The following CNTN5 variants were observed in gnomAD, a reference collection of about 807,000 sequenced individuals.
The protein encoded by CNTN5 is contactin 5.
In CNTN5, 77 loss-of-function variants were observed where a neutral mutation model predicts 129.1. That is an observed-to-expected ratio of 0.60 (90% CI 0.50 to 0.72). The LOEUF (loss-of-function observed/expected upper bound fraction) is 0.72. Among genes scored for constraint, CNTN5 ranks in the 30% least tolerant of loss-of-function variants. CNTN5 has a pLI of 0.00. For missense variants in CNTN5, 1,478 were observed against 1,328.8 expected (o/e 1.11, Z -1.75); for synonymous variants, 509 against 465.6 (o/e 1.09, Z -1.20).
chr11:99,937,125 G>T (rs1950333315), intron 7 of CNTN5, among the ~76,000 whole-genome samples: 1 of 152,170 alleles, frequency 6.6e-6, no homozygotes, highest in African/African-American at 2.4e-5. Flanking sequence ...ATTTAGTTAA[G>T]ATAGCTTTTT....
intron 6 of CNTN5, among the ~76,000 whole-genome samples, chr11:99,869,841 G>A (rs1029950232): frequency 4.6e-5 from 7 of 152,138 alleles, no homozygotes; most frequent in Non-Finnish European, 1.0e-4. Flanking sequence ...TTAGAAAAAG[G>A]TAACTCCTCC....
At chr11:100,051,934 A>C (rs898385511) in intron 9 of CNTN5, among the ~76,000 whole-genome samples, 7 of 151,964 alleles carry the variant, frequency 4.6e-5, no homozygotes, top group Admixed American at 2.0e-4. Context: ...CAGTGAAATT[A>C]AATTTGTAAT....
chr11:99,725,832 A>G (rs1373784014), intron 3 of CNTN5, among the ~76,000 whole-genome samples: 3 of 152,150 alleles, frequency 2.0e-5, no homozygotes, highest in Non-Finnish European at 2.9e-5. Context: ...ATTAAACACA[A>G]GCAATACACT....
At chr11:99,535,000 C>T (rs753634925) in intron 2 of CNTN5, among the ~76,000 whole-genome samples, 10 of 152,064 alleles carry the variant, frequency 6.6e-5, no homozygotes, top group South Asian at 2.1e-4. Flanking sequence ...AGAAAGAGCA[C>T]TATGTGTTGA....
At chr11:99,207,462 T>C (rs569451212) in intron 1 of CNTN5, among the ~76,000 whole-genome samples, 1 of 152,308 alleles carries the variant, frequency 6.6e-6, no homozygotes, top group South Asian at 2.1e-4. Context: ...CCTGCAATGA[T>C]TGAAATTTGT....
intron 1 of CNTN5, among the ~76,000 whole-genome samples, chr11:99,281,946 C>A (rs1040218734): frequency 6.6e-6 from 1 of 151,898 alleles, no homozygotes; most frequent in African/African-American, 2.4e-5. Flanking sequence ...TCAGAATTTT[C>A]GGAAGTAGAA....
At chr11:99,441,643 G>T (rs559067265) in intron 2 of CNTN5, among the ~76,000 whole-genome samples, 24 of 152,178 alleles carry the variant, frequency 1.6e-4, no homozygotes, top group Admixed American at 1.2e-3. Context: ...ACTTATGAGA[G>T]GTTGACTCAA....
At chr11:99,642,436 T>C (rs531300034) in intron 3 of CNTN5, among the ~76,000 whole-genome samples, 34 of 151,180 alleles carry the variant, frequency 2.2e-4, no homozygotes, top group African/African-American at 7.6e-4. Flanking sequence ...TGAATTAAGC[T>C]TTTTTTATTG....
chr11:99,406,068 TTGG>T (rs1942048937), intron 2 of CNTN5, among the ~76,000 whole-genome samples: 1 of 152,032 alleles, frequency 6.6e-6, no homozygotes, highest in South Asian at 2.1e-4. Context: ...TTTAGTTCAC[TTGG>T]TGAGGTTATG....
intron 1 of CNTN5, among the ~76,000 whole-genome samples, chr11:99,320,065 C>T (rs1220754496): frequency 6.6e-6 from 1 of 152,192 alleles, no homozygotes; most frequent in Admixed American, 6.5e-5. Context: ...CATAGTGAAA[C>T]ACCGTCTCTA....
intron 3 of CNTN5, among the ~76,000 whole-genome samples, chr11:99,600,174 A>G (rs532879983): frequency 4.7e-4 from 71 of 152,280 alleles, no homozygotes; most frequent in African/African-American, 1.7e-3. Context: ...TGATTTTTTA[A>G]TCACTATGCA....
chr11:99,038,817 TAAGATGTATTATTC>T (rs1192302204), intron 1 of CNTN5, among the ~76,000 whole-genome samples: 1 of 151,930 alleles, frequency 6.6e-6, no homozygotes, highest in Non-Finnish European at 1.5e-5. Context: ...TTATAAAATG[TAAGATGTATTATTC>T]ATTTTATAAT....
intron 1 of CNTN5, among the ~76,000 whole-genome samples, chr11:99,185,681 AT>A (rs1858309392): frequency 6.6e-6 from 1 of 151,842 alleles, no homozygotes; most frequent in South Asian, 2.1e-4. Flanking sequence ...TAACTAGACA[AT>A]GTGAGCTAAT....
chr11:99,767,121 C>T (rs1048814209), intron 3 of CNTN5, among the ~76,000 whole-genome samples: 7 of 152,088 alleles, frequency 4.6e-5, no homozygotes, highest in African/African-American at 1.4e-4. Context: ...ATCTCTCTCT[C>T]TCTTTCTCTA....
intron 3 of CNTN5, among the ~76,000 whole-genome samples, chr11:99,704,492 A>T (rs1276347891): frequency 6.6e-6 from 1 of 151,210 alleles, no homozygotes; most frequent in Admixed American, 6.6e-5. Context: ...GGTCTGCAAG[A>T]TAAAAATATA....
intron 3 of CNTN5, among the ~76,000 whole-genome samples, chr11:99,694,754 A>G (rs957987023): frequency 1.3e-5 from 2 of 151,934 alleles, no homozygotes; most frequent in Admixed American, 1.3e-4. Flanking sequence ...CTACTTATAT[A>G]AGAGTGAGAA....
chr11:99,098,208 A>G (rs1042808494), intron 1 of CNTN5, among the ~76,000 whole-genome samples: 5 of 152,084 alleles, frequency 3.3e-5, no homozygotes, highest in Non-Finnish European at 5.9e-5. Flanking sequence ...GGTCATAAAA[A>G]GATATTTGTT....
At chr11:99,549,145 T>A (rs1372007972) in intron 2 of CNTN5, among the ~76,000 whole-genome samples, 3 of 151,962 alleles carry the variant, frequency 2.0e-5, no homozygotes, top group African/African-American at 7.2e-5. Flanking sequence ...ATATCTGAAG[T>A]CTTTGCTGGT....
At chr11:100,327,829 A>G (rs1180240715) in intron 21 of CNTN5, among the ~76,000 whole-genome samples, 2 of 152,212 alleles carry the variant, frequency 1.3e-5, no homozygotes, top group African/African-American at 4.8e-5. Flanking sequence ...AAAACTGATT[A>G]ATAGAAAGAC....
Sources: allele counts gnomAD v4.1 joint callset (sites outside exome capture counted in the v4.1 genomes callset), GRCh38; gene constraint gnomAD v4.1.1; transcripts MANE v1.5; gene names NCBI Gene and HGNC (gene_info 2026-07-23, HGNC 2026-07-21).